The following MMP16 variants were observed in gnomAD, a reference collection of about 807,000 sequenced individuals.
MMP16 encodes the protein matrix metalloproteinase-16.
A neutral mutation model predicts 67.8 loss-of-function variants in MMP16; 12 were observed. The ratio of observed to expected loss-of-function variants is 0.18; its 90% CI spans 0.11 to 0.29. MMP16 has a LOEUF of 0.29. MMP16 is among the 10% of genes least tolerant of loss of function. The pLI is 1.00. For synonymous variants in MMP16, 249 were observed against 255.9 expected (o/e 0.97, Z 0.26); for missense variants, 475 against 765.7 (o/e 0.62, Z 4.48).
intron 9 of MMP16, among the ~76,000 whole-genome samples, chr8:88,042,797 A>G (rs28988874): frequency 6.6e-6 from 1 of 152,098 alleles, no homozygotes. Context: ...TCTTAGGTCT[A>G]TTCTCCAAAT....
At chr8:88,182,357 T>C (rs1450288757) in intron 3 of MMP16, among the ~76,000 whole-genome samples, 2 of 152,018 alleles carry the variant, frequency 1.3e-5, no homozygotes, top group African/African-American at 2.4e-5. Context: ...GATACAGAGA[T>C]GGTAGGTAAA....
intron 6 of MMP16, among the ~76,000 whole-genome samples, chr8:88,106,051 G>GTGTATATA (rs993318577): frequency 4.1e-5 from 6 of 145,428 alleles, no homozygotes; most frequent in Middle Eastern, 3.6e-3. Flanking sequence ...TACACGTTAT[G>GTGTATATA]TATATATATA....
At chr8:88,265,750 G>A (rs1483549132) in intron 1 of MMP16, among the ~76,000 whole-genome samples, 1 of 152,110 alleles carries the variant, frequency 6.6e-6, no homozygotes, top group Non-Finnish European at 1.5e-5. Context: ...TTATGCTTTG[G>A]AAAATAATGT....
intron 4 of MMP16, among the ~76,000 whole-genome samples, chr8:88,166,688 CATAT>C (rs1166566212): frequency 0.1 from 5,870 of 58,150 alleles, 223 homozygotes; most frequent in East Asian, 0.14. Context: ...CAAAAAATTA[CATAT>C]ATATATATAT....
intron 3 of MMP16, among the ~76,000 whole-genome samples, chr8:88,168,840 A>G (rs1213485700): frequency 1.3e-5 from 2 of 152,108 alleles, no homozygotes; most frequent in African/African-American, 2.4e-5. Flanking sequence ...CAATAATGTC[A>G]TATCTATGAA....
intron 4 of MMP16, among the ~76,000 whole-genome samples, chr8:88,123,217 A>G (rs1354178714): frequency 6.6e-6 from 1 of 152,028 alleles, no homozygotes; most frequent in Non-Finnish European, 1.5e-5. Context: ...AAAACTGAAC[A>G]GTAGAAAGGA....
intron 1 of MMP16, among the ~76,000 whole-genome samples, chr8:88,203,294 G>A (rs1416636896): frequency 6.6e-6 from 1 of 151,588 alleles, no homozygotes; most frequent in Admixed American, 6.6e-5. Flanking sequence ...TAGTAGAGAC[G>A]AGTTTCAACA....
At chr8:88,201,150 A>ACC in intron 1 of MMP16, among the ~76,000 whole-genome samples, 1 of 74,382 alleles carries the variant, frequency 1.3e-5, no homozygotes, top group African/African-American at 8.4e-5. Flanking sequence ...CCCCCAAAAA[A>ACC]AAAAAAAAAA....
chr8:88,066,780 C>T (rs1426889849), intron 7 of MMP16, among the ~76,000 whole-genome samples: 1 of 152,022 alleles, frequency 6.6e-6, no homozygotes, highest in African/African-American at 2.4e-5. Flanking sequence ...AAATACTTGT[C>T]CACTTACTTG....
chr8:88,323,961 G>A (rs1438435253), intron 1 of MMP16, among the ~76,000 whole-genome samples: 1 of 152,062 alleles, frequency 6.6e-6, no homozygotes, highest in African/African-American at 2.4e-5. Context: ...TTGACTTTTA[G>A]TTAATATTAG....
intron 1 of MMP16, among the ~76,000 whole-genome samples, chr8:88,216,221 C>T (rs1200172362): frequency 6.6e-6 from 1 of 151,818 alleles, no homozygotes; most frequent in Non-Finnish European, 1.5e-5. Flanking sequence ...AAGCATTGAT[C>T]CATTATAAAC....
chr8:88,185,391 G>A (rs1374405694), intron 3 of MMP16, among the ~76,000 whole-genome samples: 1 of 152,026 alleles, frequency 6.6e-6, no homozygotes, highest in Non-Finnish European at 1.5e-5. Context: ...TCTGGGAAGT[G>A]GAAGTTGCAG....
At chr8:88,109,770 G>T (rs1809302513) in intron 6 of MMP16, among the ~76,000 whole-genome samples, 1 of 151,094 alleles carries the variant, frequency 6.6e-6, no homozygotes, top group South Asian at 2.1e-4. Context: ...ATGCAAAAAT[G>T]TCAATATAAA....
intron 1 of MMP16, among the ~76,000 whole-genome samples, chr8:88,261,071 A>G (rs553426149): frequency 2.0e-5 from 3 of 152,324 alleles, no homozygotes; most frequent in East Asian, 3.9e-4. Flanking sequence ...ATTTTGAAAT[A>G]CTGAAGTTAT....
At chr8:88,151,346 C>G (rs1247549858) in intron 4 of MMP16, among the ~76,000 whole-genome samples, 2 of 149,872 alleles carry the variant, frequency 1.3e-5, no homozygotes, top group Non-Finnish European at 3.0e-5. Context: ...TTGAACTCAG[C>G]TCTGTACCAA....
Position 88,112,675 on chromosome 8 carries a change from G to GTGTGTGTGTGTGTGTC in MMP16, c.1083+3831_1083+3832insGACACACACACACACA, listed in dbSNP as rs774333204. Among the ~76,000 whole-genome samples the GTGTGTGTGTGTGTGTC allele has an allele frequency of 1.0e-4, 15 of 148,610 alleles. No individual in the cohort carries two copies. The South Asian group carries it at 1.1e-3, about 10-fold the overall frequency. On this transcript the variant is annotated intron_variant, in intron 6 of 9. Coordinates refer to ENST00000286614, the MANE Select transcript of MMP16 (RefSeq NM_005941.5). Reference sequence around the variant, plus strand: ...TGCATAAGGACAGAAGGGTGTGTGTGTGTGTGTGTCTGTGTGTATGTATGT... The same window carrying GTGTGTGTGTGTGTGTC: ...TGCATAAGGACAGAAGGGTGTGTGTGTGTGTGTGTGTGTGTCTGTGTGTGTCTGTGTGTATGTATGT...
intron 1 of MMP16, among the ~76,000 whole-genome samples, chr8:88,222,665 C>T (rs1809702667): frequency 6.6e-6 from 1 of 152,134 alleles, no homozygotes; most frequent in African/African-American, 2.4e-5. Flanking sequence ...AAACTGGATC[C>T]CTTCCTTACA....
At chr8:88,102,251 C>T (rs1809157323) in intron 6 of MMP16, among the ~76,000 whole-genome samples, 2 of 151,828 alleles carry the variant, frequency 1.3e-5, no homozygotes, top group Admixed American at 1.3e-4. Context: ...AACTCTGGAC[C>T]CACAGAACTT....
At chr8:88,314,993 A>G (rs1811355281) in intron 1 of MMP16, among the ~76,000 whole-genome samples, 1 of 152,184 alleles carries the variant, frequency 6.6e-6, no homozygotes, top group Non-Finnish European at 1.5e-5. Flanking sequence ...CAAGGCAGCA[A>G]GTTGAGATAA....
Sources: allele counts gnomAD v4.1 joint callset (sites outside exome capture counted in the v4.1 genomes callset), GRCh38; gene constraint gnomAD v4.1.1; transcripts MANE v1.5; gene names NCBI Gene and HGNC (gene_info 2026-07-23, HGNC 2026-07-21).